WWOX: variants seen among roughly 807,000 people sequenced by gnomAD.
The protein encoded by WWOX is WW domain containing oxidoreductase.
WWOX carries 69 observed loss-of-function variants against 46.2 expected under a neutral mutation model. The ratio of observed to expected loss-of-function variants is 1.49; its 90% CI spans 1.23 to 1.82. The LOEUF is 1.82. WWOX is among the 40% of genes most tolerant of loss of function. The pLI is 0.00. For missense variants in WWOX, 919 were observed against 542.6 expected, an observed-to-expected ratio of 1.69 and a Z score of -6.89; for synonymous variants, 359 against 202.6, an observed-to-expected ratio of 1.77 and a Z score of -6.56.
At chr16:78,870,853 C>T (rs368164052) in intron 8 of WWOX, among the ~76,000 whole-genome samples, 1 of 152,196 alleles carries the variant, frequency 6.6e-6, no homozygotes, top group South Asian at 2.1e-4. Context: ...CTGCCCACCT[C>T]AGCTTCCCAA....
chr16:78,426,720 G>C (rs1002388294), intron 7 of WWOX, among the ~76,000 whole-genome samples: 1 of 152,168 alleles, frequency 6.6e-6, no homozygotes, highest in South Asian at 2.1e-4. Flanking sequence ...CTGCAGTGCA[G>C]TGGCATGATC....
chr16:78,942,110 C>T (rs948341818), intron 8 of WWOX, among the ~76,000 whole-genome samples: 3 of 152,156 alleles, frequency 2.0e-5, no homozygotes, highest in African/African-American at 7.2e-5. Flanking sequence ...GACTGTGATT[C>T]TAACACGGAA....
intron 8 of WWOX, among the ~76,000 whole-genome samples, chr16:78,440,665 G>A (rs1424269039): frequency 6.7e-6 from 1 of 150,130 alleles, no homozygotes; most frequent in Non-Finnish European, 1.5e-5. Context: ...TGCCCGGATT[G>A]GAGTGTAGTG....
At chr16:78,665,106 G>A (rs976625473) in intron 8 of WWOX, among the ~76,000 whole-genome samples, 2 of 152,168 alleles carry the variant, frequency 1.3e-5, no homozygotes, top group African/African-American at 2.4e-5. Flanking sequence ...ATGCGATGGG[G>A]ACAAAAGATA....
At chr16:78,246,845 G>C (rs891984775) in intron 5 of WWOX, among the ~76,000 whole-genome samples, 1 of 151,872 alleles carries the variant, frequency 6.6e-6, no homozygotes, top group Non-Finnish European at 1.5e-5. Context: ...CAGCTGATGA[G>C]GGGTATTTAT....
At chr16:78,495,054 T>A (rs2084878931) in intron 8 of WWOX, among the ~76,000 whole-genome samples, 1 of 152,182 alleles carries the variant, frequency 6.6e-6, no homozygotes, top group Non-Finnish European at 1.5e-5. Context: ...TTTCATTGAT[T>A]TATATTTTTA....
At chr16:78,137,176 C>G (rs1386410891) in intron 4 of WWOX, among the ~76,000 whole-genome samples, 2 of 152,154 alleles carry the variant, frequency 1.3e-5, no homozygotes, top group South Asian at 2.1e-4. Flanking sequence ...TGCCTTTTTC[C>G]TCCTGCAACC....
At chr16:78,942,951 A>T (rs906292217) in intron 8 of WWOX, among the ~76,000 whole-genome samples, 2 of 152,200 alleles carry the variant, frequency 1.3e-5, no homozygotes, top group African/African-American at 2.4e-5. Context: ...ATTCATTTGC[A>T]AGTAAATAAT....
At chr16:78,920,536 G>A (rs1041929315) in intron 8 of WWOX, among the ~76,000 whole-genome samples, 1 of 152,142 alleles carries the variant, frequency 6.6e-6, no homozygotes, top group Non-Finnish European at 1.5e-5. Flanking sequence ...CACGTAGAAA[G>A]CAGTTATTGT....
chr16:78,792,783 A>G (rs1248782279), intron 8 of WWOX, among the ~76,000 whole-genome samples: 1 of 152,130 alleles, frequency 6.6e-6, no homozygotes, highest in Non-Finnish European at 1.5e-5. Flanking sequence ...AAAGCCAAGG[A>G]AGGCCAGGAT....
chr16:78,122,380 A>G (rs2033139298), intron 4 of WWOX, among the ~76,000 whole-genome samples: 1 of 152,188 alleles, frequency 6.6e-6, no homozygotes. Context: ...AGCATAACAA[A>G]TGAGAGTCAT....
At chr16:78,862,173 C>T (rs1034879522) in intron 8 of WWOX, among the ~76,000 whole-genome samples, 1 of 151,650 alleles carries the variant, frequency 6.6e-6, no homozygotes, top group African/African-American at 2.4e-5. Context: ...TGTATCTATA[C>T]ACACCGATGG....
chr16:78,996,809 A>G (rs944054196), intron 8 of WWOX, among the ~76,000 whole-genome samples: 24 of 152,130 alleles, frequency 1.6e-4, no homozygotes, highest in African/African-American at 5.8e-4. Context: ...CAAAGTAGGC[A>G]CTGTTTATAG....
rs2081094835 is a variant in WWOX, at chr16:78,346,409, A to G, written c.517-40451A>G. 2.3e-5 allele frequency among the ~76,000 whole-genome samples: 2 copies of G among 86,678 alleles called. 1 individual carries two copies. The highest frequency in any genetic ancestry group is 5.5e-5 in the Non-Finnish European group (2 of 36,572). 56.9% of individuals were successfully genotyped at this position (86,678 alleles called of 152,430 possible). A position where few individuals can be genotyped will look rare whatever the true frequency, so the allele number is the denominator to read the frequency against. ...TATATCTGTTTTATCTTGGGGGATA[A>G]TACTCTGGAGTGGAATGGGCAGGGT... On this transcript the variant is annotated intron_variant, in intron 5 of 8. Coordinates refer to ENST00000566780, the MANE Select transcript of WWOX (RefSeq NM_016373.4).
At chr16:78,312,323 C>G (rs772908597) in intron 5 of WWOX, among the ~76,000 whole-genome samples, 1 of 150,780 alleles carries the variant, frequency 6.6e-6, no homozygotes, top group East Asian at 2.0e-4. Context: ...TTGAAAACTT[C>G]AAGTAAGGAA....
At chr16:78,871,170 GTTGT>G (rs1374052962) in intron 8 of WWOX, among the ~76,000 whole-genome samples, 1 of 142,162 alleles carries the variant, frequency 7.0e-6, no homozygotes, top group African/African-American at 2.8e-5. Flanking sequence ...TTTCGTGAAG[GTTGT>G]TTTTTTTTTT....
intron 8 of WWOX, among the ~76,000 whole-genome samples, chr16:78,720,462 T>C (rs774750873): frequency 9.5e-6 from 1 of 105,662 alleles, no homozygotes; most frequent in Non-Finnish European, 1.9e-5. Context: ...TGCAATGTTA[T>C]TTTTTTTTCT....
intron 8 of WWOX, among the ~76,000 whole-genome samples, chr16:78,609,951 G>A (rs1022800194): frequency 6.6e-6 from 1 of 151,984 alleles, no homozygotes; most frequent in Non-Finnish European, 1.5e-5. Flanking sequence ...GAATAAACAG[G>A]CTCAGAGCCC....
intron 7 of WWOX, among the ~76,000 whole-genome samples, chr16:78,431,035 C>G (rs2083205582): frequency 6.6e-6 from 1 of 152,260 alleles, no homozygotes; most frequent in Non-Finnish European, 1.5e-5. Context: ...CTTATAGAAG[C>G]AGAATATGAG....
Sources: allele counts gnomAD v4.1 joint callset (sites outside exome capture counted in the v4.1 genomes callset), GRCh38; gene constraint gnomAD v4.1.1; transcripts MANE v1.5; gene names NCBI Gene and HGNC (gene_info 2026-07-23, HGNC 2026-07-21).